CPEB3: variants seen among roughly 807,000 people sequenced by gnomAD.
The protein encoded by CPEB3 is cytoplasmic polyadenylation element binding protein 3.
Under a neutral mutation model 67.2 loss-of-function variants are expected in CPEB3, and 20 were observed. That is an observed-to-expected ratio of 0.30 (90% CI 0.21 to 0.43). CPEB3 has a LOEUF of 0.43. Ranked by LOEUF, CPEB3 falls within the 20% of genes least tolerant of loss-of-function variation. The pLI, the probability that CPEB3 is intolerant of heterozygous loss-of-function variation, is 1.00. For synonymous variants in CPEB3, 376 were observed against 393.1 expected (o/e 0.96, Z 0.51); for missense variants, 746 against 968.6 (o/e 0.77, Z 3.05).
At chr10:92,053,975 C>T (rs1366438928) in intron 9 of CPEB3, among the ~76,000 whole-genome samples, 3 of 152,236 alleles carry the variant, frequency 2.0e-5, no homozygotes. Context: ...CGTAAGCCAC[C>T]ATGCCTGGTC....
At chr10:92,144,657 A>G (rs1445483380) in intron 5 of CPEB3, among the ~76,000 whole-genome samples, 1 of 152,226 alleles carries the variant, frequency 6.6e-6, no homozygotes, top group African/African-American at 2.4e-5. Flanking sequence ...CTGCACCATC[A>G]GCTATATAAC....
intron 1 of CPEB3, among the ~76,000 whole-genome samples, chr10:92,280,647 CGA>C (rs1842238040): frequency 8.0e-6 from 1 of 124,328 alleles, no homozygotes; most frequent in African/African-American, 3.0e-5. Context: ...TTCAGTGGGC[CGA>C]GAGTGAAAAA....
intron 1 of CPEB3, among the ~76,000 whole-genome samples, chr10:92,289,816 TATA>T (rs1842752023): frequency 7.1e-6 from 1 of 140,278 alleles, no homozygotes; most frequent in Non-Finnish European, 1.5e-5. Context: ...TTATATATTA[TATA>T]ATACATATAT....
At chr10:92,267,899 G>A (rs1388225269) in intron 1 of CPEB3, among the ~76,000 whole-genome samples, 2 of 152,002 alleles carry the variant, frequency 1.3e-5, no homozygotes, top group African/African-American at 2.4e-5. Flanking sequence ...GCTCACTGCC[G>A]CCTCCGCCTC....
intron 1 of CPEB3, among the ~76,000 whole-genome samples, chr10:92,260,520 C>A (rs1416232821): frequency 2.0e-5 from 3 of 149,338 alleles, no homozygotes; most frequent in African/African-American, 7.4e-5. Context: ...CACTGCACTC[C>A]AGCCTGGGCA....
chr10:92,107,484 T>A (rs1844529168), intron 7 of CPEB3, among the ~76,000 whole-genome samples: 1 of 152,222 alleles, frequency 6.6e-6, no homozygotes, highest in Admixed American at 6.5e-5. Context: ...TCAAGATTAC[T>A]CTTTTTCAGC....
At chr10:92,129,794 C>A (rs1468787017) in intron 6 of CPEB3, among the ~76,000 whole-genome samples, 1 of 152,190 alleles carries the variant, frequency 6.6e-6, no homozygotes. Flanking sequence ...GTAATCCCAA[C>A]ACTTTGGGAG....
intron 9 of CPEB3, among the ~76,000 whole-genome samples, chr10:92,078,239 G>A (rs1033470881): frequency 1.3e-5 from 2 of 152,178 alleles, no homozygotes; most frequent in Admixed American, 6.5e-5. Context: ...CATCTGACTC[G>A]GGACCAGTGC....
At position 92,239,736 on chromosome 10, in the gene CPEB3, G is replaced by T. The variant is rs987623986; in HGVS notation, c.615C>A (p.Ser205Arg). The T allele has an allele frequency of 5.3e-6, 8 of 1,504,716 alleles. No individual in the cohort carries two copies. The Admixed American group carries it at 1.8e-4, about 33-fold the overall frequency. The allele number at this position is 1,504,716 out of a possible 1,614,324, so 93.2% of individuals were successfully genotyped here. A position where few individuals can be genotyped will look rare whatever the true frequency, so the allele number is the denominator to read the frequency against. ...GCTGGTGGCCGTACGCCGCGGCGGC[G>T]CTCCTCTGCGCGTAGGGCGCCTGGC... ...SPSQAPYAQR[S>R]AAAAYGHQPI... Residue 205 changes from serine (S) to arginine (R), a missense_variant, in exon 2 of 10, where the codon AGC becomes AGA. Physicochemically the swap from Ser to Arg is moderately radical, Grantham distance 110. Around this residue, in one of 2 missense-constraint regions of CPEB3, gnomAD observed 643 missense variants for 717.5 expected, o/e 0.90. Transcript: ENST00000265997. The surrounding 1 kb of genome is among the most constrained non-coding windows in gnomAD (Gnocchi z 6.0).
intron 1 of CPEB3, among the ~76,000 whole-genome samples, chr10:92,276,243 G>T (rs1841978374): frequency 6.6e-6 from 1 of 150,388 alleles, no homozygotes; most frequent in African/African-American, 2.4e-5. Context: ...TTCCACTTTT[G>T]GCTATTATGA....
At position 92,291,072 on chromosome 10, in the gene CPEB3, A is replaced by G; in HGVS notation, c.-158T>C. ...AGGCGTTGGTCCGGGCGGGCTGTGCAGCCTCTAGTGGAGACGGTCCGAAGA... is the reference window on the plus strand; with the variant it reads ...AGGCGTTGGTCCGGGCGGGCTGTGCGGCCTCTAGTGGAGACGGTCCGAAGA... On this transcript the variant is annotated 5_prime_UTR_variant, in exon 1 of 10. Transcript: ENST00000265997. 9.8e-6 allele frequency: 2 copies of G among 203,898 alleles called. No homozygotes were observed. The highest frequency in any genetic ancestry group is 1.4e-4 in the East Asian group (1 of 7,118). The allele number at this position is 203,898 out of a possible 1,614,324, so 12.6% of individuals were successfully genotyped here.
At chr10:92,147,031 A>G (rs1225913698) in intron 4 of CPEB3, among the ~76,000 whole-genome samples, 1 of 152,166 alleles carries the variant, frequency 6.6e-6, no homozygotes, top group Non-Finnish European at 1.5e-5. Flanking sequence ...TCTTACCTTC[A>G]ACACTAGTAA....
At chr10:92,119,572 T>C (rs1590181743) in intron 6 of CPEB3, among the ~76,000 whole-genome samples, 1 of 152,086 alleles carries the variant, frequency 6.6e-6, no homozygotes, top group Non-Finnish European at 1.5e-5. Flanking sequence ...TGCCTGTGGG[T>C]TGCTGGCTTA....
intron 2 of CPEB3, among the ~76,000 whole-genome samples, chr10:92,227,019 T>C (rs368172853): frequency 5.3e-5 from 8 of 152,194 alleles, no homozygotes; most frequent in African/African-American, 1.9e-4. Flanking sequence ...TAATACTTTG[T>C]TCATCTGAAA....
At chr10:92,058,284 G>A (rs1842188703) in intron 9 of CPEB3, among the ~76,000 whole-genome samples, 1 of 152,124 alleles carries the variant, frequency 6.6e-6, no homozygotes, top group Non-Finnish European at 1.5e-5. Flanking sequence ...AGTGGCTCAC[G>A]CCTGTAATAC....
chr10:92,175,909 G>GCAAAACCCCA (rs1848203158), intron 4 of CPEB3, among the ~76,000 whole-genome samples: 1 of 152,100 alleles, frequency 6.6e-6, no homozygotes, highest in South Asian at 2.1e-4. Flanking sequence ...GGGCAACATG[G>GCAAAACCCCA]CAAAACCCCA....
At chr10:92,258,633 T>TATAC (rs2134865105) in intron 1 of CPEB3, among the ~76,000 whole-genome samples, 1 of 16,620 alleles carries the variant, frequency 6.0e-5, no homozygotes, top group African/African-American at 1.3e-4. Flanking sequence ...TGAATATATA[T>TATAC]ATATATATAT....
intron 2 of CPEB3, among the ~76,000 whole-genome samples, chr10:92,224,521 C>T (rs1183999275): frequency 6.6e-6 from 1 of 151,910 alleles, no homozygotes; most frequent in Admixed American, 6.6e-5. Context: ...CTCAGCACAC[C>T]ATGTTGTTTC....
At chr10:92,162,811 C>T (rs757369359) in intron 4 of CPEB3, among the ~76,000 whole-genome samples, 1 of 152,080 alleles carries the variant, frequency 6.6e-6, no homozygotes, top group Non-Finnish European at 1.5e-5. Context: ...CATGTGACTC[C>T]CCAAGGGAAG....
Sources: gnomAD v4.1 joint callset for allele counts (sites outside exome capture counted in the v4.1 genomes callset) on GRCh38, gnomAD v4.1.1 for gene constraint, gnomAD v4.1.1 regional missense constraint, Gnocchi (gnomAD v3.1) non-coding constraint, MANE v1.5 for transcripts, NCBI Gene and HGNC (gene_info 2026-07-23, HGNC 2026-07-21) for gene names.